The following FNBP1L variants were observed in gnomAD, a reference collection of about 807,000 sequenced individuals.
The protein encoded by FNBP1L is formin-binding protein 1-like.
Under a neutral mutation model 91.2 loss-of-function variants are expected in FNBP1L, and 36 were observed. The observed-to-expected ratio is 0.39, with a 90% CI of 0.30 to 0.52. The LOEUF is 0.52. Among genes scored for constraint, FNBP1L ranks in the 20% least tolerant of loss-of-function variants. The probability of loss-of-function intolerance (pLI) is 0.66; values close to 1 mark genes in which losing one functional copy is unlikely to be tolerated. For missense variants in FNBP1L, 571 were observed against 732.1 expected, an observed-to-expected ratio of 0.78 and a Z score of 2.54; for synonymous variants, 242 against 237.0, an observed-to-expected ratio of 1.02 and a Z score of -0.19.
chr1:93,531,546 A>G (rs956984750), intron 7 of FNBP1L, among the ~76,000 whole-genome samples: 2 of 152,218 alleles, frequency 1.3e-5, no homozygotes, highest in African/African-American at 4.8e-5. Flanking sequence ...TTCTGTGGGA[A>G]GAGTGTCAGC....
chr1:93,547,739 T>C (rs146861812), intron 14 of FNBP1L, among the ~76,000 whole-genome samples: 239 of 152,200 alleles, frequency 1.6e-3, no homozygotes, highest in Non-Finnish European at 2.6e-3. Flanking sequence ...TTTCCTAAGG[T>C]TCAAGTGGAA....
At chr1:93,507,252 T>G (rs1165956560) in intron 2 of FNBP1L, among the ~76,000 whole-genome samples, 1 of 151,386 alleles carries the variant, frequency 6.6e-6, no homozygotes, top group Non-Finnish European at 1.5e-5. Flanking sequence ...TATAAAACTT[T>G]GTGTTTCAGT....
intron 1 of FNBP1L, among the ~76,000 whole-genome samples, chr1:93,458,553 T>C (rs1046587042): frequency 5.3e-5 from 8 of 152,204 alleles, no homozygotes; most frequent in African/African-American, 1.9e-4. Flanking sequence ...TTCCATGACA[T>C]TGATCTGGGC....
intron 2 of FNBP1L, among the ~76,000 whole-genome samples, chr1:93,520,237 A>G (rs1302121498): frequency 6.6e-6 from 1 of 152,206 alleles, no homozygotes; most frequent in African/African-American, 2.4e-5. Context: ...ATAATAGACA[A>G]TTTGTAGAAT....
At chr1:93,545,871 G>C (rs2101773011) in intron 12 of FNBP1L, among the ~76,000 whole-genome samples, 1 of 151,402 alleles carries the variant, frequency 6.6e-6, no homozygotes, top group East Asian at 1.9e-4. Flanking sequence ...AAAAAGATTT[G>C]TAGCTATAGA....
chr1:93,477,119 A>T (rs1669524247), intron 1 of FNBP1L, among the ~76,000 whole-genome samples: 1 of 152,226 alleles, frequency 6.6e-6, no homozygotes, highest in South Asian at 2.1e-4. Context: ...CTTTAACTAC[A>T]ATGTGAAAAA....
chr1:93,544,353 A>G, intron 12 of FNBP1L, 137 bp downstream of exon 12: 1 of 488,434 alleles, frequency 2.0e-6, no homozygotes, highest in Non-Finnish European at 3.4e-6. Context: ...TTATACTCCT[A>G]CCCTGGAAAT....
intron 1 of FNBP1L, among the ~76,000 whole-genome samples, chr1:93,469,370 A>G (rs1263343744): frequency 6.6e-6 from 1 of 152,080 alleles, no homozygotes; most frequent in Non-Finnish European, 1.5e-5. Flanking sequence ...TTTGCTGAGA[A>G]TGATGGTTTC....
chr1:93,472,811 C>CAAAAAAAA (rs57548632), intron 1 of FNBP1L, among the ~76,000 whole-genome samples: 1 of 46,860 alleles, frequency 2.1e-5, no homozygotes, highest in African/African-American at 9.2e-5. Context: ...GACTCCATCT[C>CAAAAAAAA]AAAAAAAAAA....
At chr1:93,534,672 A>C in intron 8 of FNBP1L, 33 bp from the exon 9 acceptor site, 1 of 1,448,400 alleles carries the variant, frequency 6.9e-7, no homozygotes, top group South Asian at 1.3e-5. Context: ...TGAGCAAGTG[A>C]AACAGTTTTA....
chr1:93,540,126 A>G (rs1671986349), intron 10 of FNBP1L, among the ~76,000 whole-genome samples: 1 of 152,126 alleles, frequency 6.6e-6, no homozygotes, highest in African/African-American at 2.4e-5. Flanking sequence ...TGCCAGTTGC[A>G]GAATCCTATT....
At chr1:93,539,321 A>G (rs1204175020) in intron 10 of FNBP1L, among the ~76,000 whole-genome samples, 2 of 151,934 alleles carry the variant, frequency 1.3e-5, no homozygotes, top group Non-Finnish European at 2.9e-5. Flanking sequence ...AGTTGAGTAT[A>G]TGAAGTTTTC....
rs1355441903 is a variant in FNBP1L at position 93,499,477 on chromosome 1, G to A, written c.34G>A (p.Asp12Asn). 6.3e-6 allele frequency: 10 copies of A among 1,585,984 alleles called. No homozygotes were observed. The highest frequency in any genetic ancestry group is 1.2e-5 in the South Asian group (1 of 85,056). ...SWGTELWDQF[D>N]SLDKHTQWGI... ...TATCTTCCTTTTCCAGGATCAGTTC[G>A]ACAGCTTAGACAAGCATACACAATG... Residue 12 changes from aspartate (D) to asparagine (N), a missense_variant, in exon 2 of 17, where the codon GAC becomes AAC. Physicochemically the swap from Asp to Asn is conservative, Grantham distance 23. Coordinates refer to ENST00000271234, the MANE Select transcript of FNBP1L (RefSeq NM_001164473.3).
chr1:93,483,697 A>G (rs1669796854), intron 1 of FNBP1L, among the ~76,000 whole-genome samples: 1 of 152,260 alleles, frequency 6.6e-6, no homozygotes, highest in African/African-American at 2.4e-5. Context: ...CCATAATTAT[A>G]TGCTAAGAAT....
chr1:93,545,246 T>A (rs980560368), intron 12 of FNBP1L, among the ~76,000 whole-genome samples: 8 of 152,074 alleles, frequency 5.3e-5, no homozygotes, highest in African/African-American at 1.9e-4. Context: ...ACAAAAAGCA[T>A]AAAAATATGA....
At chr1:93,538,213 A>G (rs1671908815) in intron 10 of FNBP1L, among the ~76,000 whole-genome samples, 1 of 151,874 alleles carries the variant, frequency 6.6e-6, no homozygotes, top group Non-Finnish European at 1.5e-5. Flanking sequence ...AACTCAGGCA[A>G]TTAGAGCTAT....
intron 1 of FNBP1L, among the ~76,000 whole-genome samples, chr1:93,455,713 A>C (rs1372275183): frequency 6.6e-6 from 1 of 152,262 alleles, no homozygotes; most frequent in Non-Finnish European, 1.5e-5. Flanking sequence ...TAATAAGAAA[A>C]TATTTTAGAA....
intron 1 of FNBP1L, among the ~76,000 whole-genome samples, chr1:93,456,993 A>G (rs571184945): frequency 4.6e-5 from 7 of 151,998 alleles, no homozygotes; most frequent in African/African-American, 1.7e-4. Context: ...GGCTCAGGTG[A>G]TCCTCCATCC....
rs574176877 is a variant in FNBP1L at position 93,451,761 on chromosome 1, C to T, written c.24+3456C>T. ...CAGCCTCCCTGGTTCAAGCCATTCT[C>T]CCACCTCAGCCCCCCGAGTAGCTGG... On this transcript the variant is annotated intron_variant, in intron 1 of 16. Coordinates refer to ENST00000271234, the MANE Select transcript of FNBP1L (RefSeq NM_001164473.3). Among the ~76,000 whole-genome samples the T allele has an allele frequency of 7.9e-5, 12 of 152,208 alleles. No individual in the cohort carries two copies. The South Asian group carries it at 2.5e-3, about 32-fold the overall frequency.
Sources: allele counts gnomAD v4.1 joint callset (sites outside exome capture counted in the v4.1 genomes callset), GRCh38; gene constraint gnomAD v4.1.1; transcripts MANE v1.5; gene names NCBI Gene and HGNC (gene_info 2026-07-23, HGNC 2026-07-21).